USF3: variants seen among roughly 807,000 people sequenced by gnomAD.
The protein encoded by USF3 is basic helix-loop-helix domain-containing protein USF3.
In USF3, 29 loss-of-function variants were observed where a neutral mutation model predicts 157.5. The observed-to-expected ratio is 0.18, with a 90% CI of 0.14 to 0.25. The LOEUF is 0.25. Among genes scored for constraint, USF3 ranks in the 10% least tolerant of loss-of-function variants. The pLI, the probability that USF3 is intolerant of heterozygous loss-of-function variation, is 1.00. For synonymous variants in USF3, 893 were observed against 941.4 expected (o/e 0.95, Z 0.94); for missense variants, 2,381 against 2,667.6 (o/e 0.89, Z 2.37).
rs776942365 is a variant in USF3, at chr3:113,656,044, C to T, written c.5638G>A (p.Asp1880Asn). Residue 1880 changes from aspartate (D) to asparagine (N), a missense_variant, in exon 7 of 7, where the codon GAC becomes AAC. Asp to Asn is a conservative substitution (Grantham distance 23). Transcript: ENST00000316407. ...GTGTTAATTGCACCTAACGACATGT[C>T]ACAACTTTCCCTATTCTGACTCTCA... ...ESESQNRESC[D>N]MSLGAINTRN... 2 of 1,614,196 alleles carry T rather than the reference C, an allele frequency of 1.2e-6. No individual in the cohort carries two copies. The highest frequency in any genetic ancestry group is 1.7e-6 in the Non-Finnish European group (2 of 1,180,030).
In USF3 at chr3:113,655,165, G is replaced by A. The variant is rs1947331138; in HGVS notation, c.6517C>T (p.Pro2173Ser). Reference sequence around the variant, plus strand: ...GTCATGTGCATTGGTGGCATATCTGGGAGAAGAGGAAAACTTGGTTGAGCA... The same window carrying A: ...GTCATGTGCATTGGTGGCATATCTGAGAGAAGAGGAAAACTTGGTTGAGCA... ...GFAQPSFPLLPDMPPMHMTNS... is the reference protein window; with the variant it reads ...GFAQPSFPLLSDMPPMHMTNS... The change falls in exon 7 of 7, where the codon CCA becomes TCA. Residue 2173 changes from proline (P) to serine (S), a missense_variant. This residue lies in a region of USF3 where 770 missense variants were observed against 824.2 expected (regional missense o/e 0.93). Transcript: ENST00000316407. 6.2e-7 allele frequency: 1 copy of A among 1,614,166 alleles called. No homozygotes were observed. Among genetic ancestry groups the A allele is most frequent in the African/African-American group, 1.3e-5 (1 of 75,054 alleles).
chr3:113,660,673 C>T lies in USF3; in HGVS notation c.1009G>A (p.Val337Ile). The change falls in exon 7 of 7, where the codon GTT (valine) becomes ATT (isoleucine). Residue 337 changes from valine to isoleucine, a missense_variant. This residue lies in a region of USF3 where 1,435 missense variants were observed against 1,550.9 expected (regional missense o/e 0.93). Coordinates refer to ENST00000316407, the MANE Select transcript of USF3 (RefSeq NM_001009899.4). ...GAGCAGACTGTGGTGGTAACTGAAA[C>T]AACAAAAGTGTTTTGAAAATCACCT... ...FRGDFQNTFV[V>I]SVTTTVCSQP... 6.2e-7 allele frequency: 1 copy of T among 1,614,192 alleles called. No individual in the cohort carries two copies. Among genetic ancestry groups the T allele is most frequent in the Admixed American group, 1.7e-5 (1 of 60,016 alleles).
At chr3:113,677,692 C>G (rs543764214) in intron 1 of USF3, among the ~76,000 whole-genome samples, 61 of 152,300 alleles carry the variant, frequency 4.0e-4, no homozygotes, top group African/African-American at 1.4e-3. Flanking sequence ...TAGGTCCTCA[C>G]TAGCTGCTGG....
chr3:113,663,900 T>C (rs1947524464), intron 6 of USF3, among the ~76,000 whole-genome samples: 3 of 152,266 alleles, frequency 2.0e-5, no homozygotes, highest in African/African-American at 7.2e-5. Flanking sequence ...TGGCCTTTTT[T>C]GCTAATGCAT....
In USF3 at chr3:113,648,747, A is replaced by C. The variant is rs1214440162; in HGVS notation, c.*6197T>G. On this transcript the variant is annotated 3_prime_UTR_variant, in exon 7 of 7. Coordinates refer to ENST00000316407, the MANE Select transcript of USF3 (RefSeq NM_001009899.4). ...CCATGGTAATAGATACAAATATTAC[A>C]CTATTGAAAGCACTAAAATTAGTTT... 1.3e-5 allele frequency: 2 copies of C among 152,624 alleles called. No individual in the cohort carries two copies. The highest frequency in any genetic ancestry group is 2.9e-5 in the Non-Finnish European group (2 of 68,036). The allele number at this position is 152,624 out of a possible 1,614,324, so 9.5% of individuals were successfully genotyped here.
chr3:113,674,756 C>A, intron 3 of USF3, 76 bp downstream of exon 3: 2 of 1,142,056 alleles, frequency 1.8e-6, no homozygotes, highest in Non-Finnish European at 2.7e-6. Context: ...CTAAGGACTA[C>A]CTATGTAGCA....
chr3:113,665,248 G>A (rs757985946), intron 5 of USF3, among the ~76,000 whole-genome samples: 1 of 152,216 alleles, frequency 6.6e-6, no homozygotes, highest in African/African-American at 2.4e-5. Context: ...TGGTAAGGAG[G>A]TGAGCGGAGC....
chr3:113,664,000 T>C (rs1947525788), intron 6 of USF3, among the ~76,000 whole-genome samples: 1 of 152,216 alleles, frequency 6.6e-6, no homozygotes, highest in Non-Finnish European at 1.5e-5. Context: ...GGGATTGCCC[T>C]AACTGCAATG....
In USF3 at chr3:113,656,817, G is replaced by C. The variant is rs905501931; in HGVS notation, c.4865C>G (p.Ser1622Cys). The change falls in exon 7 of 7, where the codon TCT becomes TGT. Residue 1622 changes from serine (S) to cysteine (C), a missense_variant. Transcript: ENST00000316407. ...QGSGVSSEHV[S>C]GHNPMQRLLT... The stretch of plus-strand genomic sequence containing the variant: ...AAGCCTCTGCATTGGATTATGGCCA[G>C]ATACATGTTCAGATGAAACCCCTGA... The C allele has an allele frequency of 1.1e-5, 18 of 1,614,208 alleles. No individual in the cohort carries two copies. The highest frequency in any genetic ancestry group is 1.4e-5 in the Non-Finnish European group (17 of 1,180,026).
In USF3 at chr3:113,660,504, G is replaced by A; in HGVS notation, c.1178C>T (p.Pro393Leu). ...AGAAAGAGTCCAACCATTGTCCAAA[G>A]GGTTTCCCGAAAGAGTGCTTATAGG... ...TIPISTLSGNPLDNGWTLSCS... is the reference protein window; with the variant it reads ...TIPISTLSGNLLDNGWTLSCS... Residue 393 changes from proline (P) to leucine (L), a missense_variant, in exon 7 of 7, where the codon CCT becomes CTT. Pro to Leu is a moderately conservative substitution (Grantham distance 98). Around this residue, in one of 6 missense-constraint regions of USF3, gnomAD observed 1,435 missense variants for 1,550.9 expected, o/e 0.93. Transcript: ENST00000316407. The A allele has an allele frequency of 6.2e-7, 1 of 1,614,116 alleles. No individual in the cohort carries two copies. Among genetic ancestry groups the A allele is most frequent in the Non-Finnish European group, 8.5e-7 (1 of 1,180,018 alleles).
intron 5 of USF3, among the ~76,000 whole-genome samples, chr3:113,668,476 A>G (rs1241157376): frequency 6.6e-6 from 1 of 151,890 alleles, no homozygotes; most frequent in Non-Finnish European, 1.5e-5. Context: ...AAAAAAAAAA[A>G]GACAAATACT....
Position 113,654,230 on chromosome 3 carries a change from T to A in USF3, c.*714A>T, listed in dbSNP as rs1947314930. The A allele has an allele frequency of 1.3e-5, 2 of 152,708 alleles. No homozygotes were observed. Among genetic ancestry groups the A allele is most frequent in the Non-Finnish European group, 2.9e-5 (2 of 68,050 alleles). The allele number at this position is 152,708 out of a possible 1,614,324, so 9.5% of individuals were successfully genotyped here. ...GTATGTACTTAACTTTTTAGCTTTCTATATTTACGGCTAAATAATTGTCTA... is the reference window on the plus strand; with the variant it reads ...GTATGTACTTAACTTTTTAGCTTTCAATATTTACGGCTAAATAATTGTCTA... On this transcript the variant is annotated 3_prime_UTR_variant, in exon 7 of 7. Transcript: ENST00000316407.
At chr3:113,687,229 T>TCTCA (rs1255068846) in intron 1 of USF3, among the ~76,000 whole-genome samples, 17 of 102,480 alleles carry the variant, frequency 1.7e-4, no homozygotes, top group Non-Finnish European at 3.6e-4. Flanking sequence ...ACACACACAG[T>TCTCA]CACACACACA....
intron 5 of USF3, among the ~76,000 whole-genome samples, chr3:113,666,613 C>T (rs1284579305): frequency 3.4e-5 from 5 of 145,216 alleles, no homozygotes; most frequent in Non-Finnish European, 6.0e-5. Context: ...GCTCTGTCGC[C>T]CGGGCTGGAG....
chr3:113,672,869 T>C (rs1707190666), intron 4 of USF3, among the ~76,000 whole-genome samples: 1 of 152,260 alleles, frequency 6.6e-6, no homozygotes, highest in Non-Finnish European at 1.5e-5. Context: ...TTTCAATATT[T>C]GAGATAAAAT....
chr3:113,673,119 A>G (rs1369186484), intron 4 of USF3, among the ~76,000 whole-genome samples: 1 of 152,222 alleles, frequency 6.6e-6, no homozygotes, highest in Non-Finnish European at 1.5e-5. Flanking sequence ...CCAGGGATAC[A>G]GTAATCTCTT....
In USF3 at chr3:113,658,958, T is replaced by C. The variant is rs1294013164; in HGVS notation, c.2724A>G (p.Lys908=). The change falls in exon 7 of 7, where the codon AAA becomes AAG. Residue 908 remains lysine (K), a synonymous_variant. Coordinates refer to ENST00000316407, the MANE Select transcript of USF3 (RefSeq NM_001009899.4). ...GTAGATTAGGGGTAGAATCTTTGGA[T>C]TTTGCTGCGGCCATTGCAAAATGTT... ...TSEHFAMAAA[K]SKDSTPNLQQ... is the part of the protein sequence containing the mutation. The C allele has an allele frequency of 1.2e-6, 2 of 1,614,036 alleles. No individual in the cohort carries two copies. The highest frequency in any genetic ancestry group is 2.7e-5 in the African/African-American group (2 of 74,918).
rs1483600871 is a variant in USF3, at chr3:113,650,637, A to G, written c.*4307T>C. The G allele has an allele frequency of 6.6e-6, 1 of 152,126 alleles. No homozygotes were observed. Among genetic ancestry groups the G allele is most frequent in the Admixed American group, 6.5e-5 (1 of 15,274 alleles). 9.4% of individuals were successfully genotyped at this position (152,126 alleles called of 1,614,324 possible). A position where few individuals can be genotyped will look rare whatever the true frequency, so the allele number is the denominator to read the frequency against. The stretch of plus-strand genomic sequence containing the variant: ...TAAAATGTGCTTCCACATTTTTTGG[A>G]GTATAAGTTTTAGCCTCTCCATGAA... On this transcript the variant is annotated 3_prime_UTR_variant, in exon 7 of 7. Transcript: ENST00000316407.
intron 1 of USF3, among the ~76,000 whole-genome samples, chr3:113,686,285 G>A (rs775305455): frequency 6.6e-6 from 1 of 152,110 alleles, no homozygotes; most frequent in Non-Finnish European, 1.5e-5. Flanking sequence ...GAATTCCAAT[G>A]CAAAGTTGCA....
Sources: allele counts gnomAD v4.1 joint callset (sites outside exome capture counted in the v4.1 genomes callset), GRCh38; gene constraint gnomAD v4.1.1; regional missense constraint gnomAD v4.1.1; transcripts MANE v1.5; gene names NCBI Gene and HGNC (gene_info 2026-07-23, HGNC 2026-07-21).